Variants in GRM1 observed in about 807,000 individuals in gnomAD.
GRM1 encodes metabotropic glutamate receptor 1.
Under a neutral mutation model 90.9 loss-of-function variants are expected in GRM1, and 33 were observed. That is an observed-to-expected ratio of 0.36 (90% CI 0.28 to 0.49). The LOEUF (loss-of-function observed/expected upper bound fraction) is 0.49. Ranked by LOEUF, GRM1 falls within the 20% of genes least tolerant of loss-of-function variation. GRM1 has a pLI of 0.99. For synonymous variants in GRM1, 700 were observed against 613.2 expected, an observed-to-expected ratio of 1.14 and a Z score of -2.09; for missense variants, 1,190 against 1,534.3, an observed-to-expected ratio of 0.78 and a Z score of 3.75.
intron 1 of GRM1, among the ~76,000 whole-genome samples, chr6:146,090,863 C>G (rs1416189026): frequency 2.0e-5 from 3 of 152,020 alleles, no homozygotes; most frequent in Non-Finnish European, 4.4e-5. Flanking sequence ...TTTCCAATCC[C>G]TGAACCTTTA....
intron 2 of GRM1, among the ~76,000 whole-genome samples, chr6:146,200,434 C>T (rs1445313214): frequency 1.3e-5 from 2 of 152,176 alleles, no homozygotes; most frequent in African/African-American, 4.8e-5. Flanking sequence ...TGTGCTCACA[C>T]CAGGCGTATT....
chr6:146,062,361 G>A (rs1310754878), intron 1 of GRM1, among the ~76,000 whole-genome samples: 2 of 151,968 alleles, frequency 1.3e-5, no homozygotes, highest in East Asian at 3.9e-4. Context: ...GGGGCTAGGG[G>A]AGGGATAGCA....
intron 1 of GRM1, among the ~76,000 whole-genome samples, chr6:146,060,006 T>C (rs993378770): frequency 7.8e-4 from 118 of 152,170 alleles, no homozygotes; most frequent in Non-Finnish European, 4.0e-4. Flanking sequence ...GCTGTTTCAC[T>C]TTCTTATCAT....
chr6:146,419,914 C>T (rs1014080859), intron 7 of GRM1, among the ~76,000 whole-genome samples: 9 of 152,110 alleles, frequency 5.9e-5, no homozygotes, highest in Middle Eastern at 3.2e-3. Flanking sequence ...GAGAGCCAAA[C>T]CATATTCCTG....
At chr6:146,264,106 C>A (rs187993812) in intron 2 of GRM1, among the ~76,000 whole-genome samples, 35 of 152,102 alleles carry the variant, frequency 2.3e-4, no homozygotes, top group African/African-American at 5.3e-4. Flanking sequence ...TAAAAATCAC[C>A]GTCTTGGAAA....
At chr6:146,287,346 T>G (rs2114872829) in intron 2 of GRM1, among the ~76,000 whole-genome samples, 1 of 152,266 alleles carries the variant, frequency 6.6e-6, no homozygotes, top group Non-Finnish European at 1.5e-5. Context: ...TTACTTTCCT[T>G]TTTCGTATTG....
chr6:146,370,243 C>G (rs993238010), intron 5 of GRM1, among the ~76,000 whole-genome samples: 1 of 151,968 alleles, frequency 6.6e-6, no homozygotes, highest in Admixed American at 6.6e-5. Flanking sequence ...TCCCTAGGCC[C>G]TTTTCTTTCT....
At chr6:146,341,053 A>G (rs1197709562) in intron 3 of GRM1, among the ~76,000 whole-genome samples, 5 of 152,202 alleles carry the variant, frequency 3.3e-5, no homozygotes, top group African/African-American at 7.2e-5. Flanking sequence ...GTTCTGCTGT[A>G]CTACCACTGC....
chr6:146,268,724 C>G (rs955862698), intron 2 of GRM1, among the ~76,000 whole-genome samples: 2 of 152,160 alleles, frequency 1.3e-5, no homozygotes, highest in African/African-American at 4.8e-5. Context: ...CCTTGCAGCC[C>G]CTGCAGTACT....
At chr6:146,065,584 G>A (rs1477365824) in intron 1 of GRM1, among the ~76,000 whole-genome samples, 1 of 152,156 alleles carries the variant, frequency 6.6e-6, no homozygotes, top group Non-Finnish European at 1.5e-5. Context: ...TGCAAGTGAG[G>A]TACCCTATAT....
At chr6:146,433,149 C>T (rs538238697) in intron 7 of GRM1, among the ~76,000 whole-genome samples, 11 of 152,284 alleles carry the variant, frequency 7.2e-5, no homozygotes, top group African/African-American at 2.6e-4. Flanking sequence ...AAATCCCAAA[C>T]CAGCTTCTGT....
chr6:146,163,044 T>G (rs1777793466), intron 2 of GRM1, among the ~76,000 whole-genome samples: 1 of 152,174 alleles, frequency 6.6e-6, no homozygotes, highest in Admixed American at 6.5e-5. Flanking sequence ...ATTTATAGAC[T>G]TATCTAATAT....
chr6:146,216,398 C>T (rs1234506770), intron 2 of GRM1, among the ~76,000 whole-genome samples: 1 of 152,088 alleles, frequency 6.6e-6, no homozygotes, highest in Non-Finnish European at 1.5e-5. Context: ...GTAAAAAAAA[C>T]ATAGTAGACT....
chr6:146,403,482 G>T (rs1306587946), intron 7 of GRM1, among the ~76,000 whole-genome samples: 1 of 152,008 alleles, frequency 6.6e-6, no homozygotes, highest in Non-Finnish European at 1.5e-5. Context: ...CTAAGTAAAT[G>T]GATATTATTA....
chr6:146,219,915 G>A (rs192824373), intron 2 of GRM1, among the ~76,000 whole-genome samples: 1 of 152,010 alleles, frequency 6.6e-6, no homozygotes. Context: ...TTTTGTGTGT[G>A]TGTGTGTGTG....
chr6:146,165,496 C>T (rs779871026), intron 2 of GRM1, among the ~76,000 whole-genome samples: 11 of 152,074 alleles, frequency 7.2e-5, no homozygotes, highest in Admixed American at 2.0e-4. Flanking sequence ...TGAAGTGTGA[C>T]ATCTCCAAAA....
At chr6:146,371,844 C>T (rs1775913448) in intron 5 of GRM1, among the ~76,000 whole-genome samples, 1 of 151,950 alleles carries the variant, frequency 6.6e-6, no homozygotes, top group Non-Finnish European at 1.5e-5. Flanking sequence ...TATGCATTAC[C>T]TTTTCTTTAA....
At chr6:146,096,201 A>G (rs1019212185) in intron 1 of GRM1, among the ~76,000 whole-genome samples, 2 of 152,178 alleles carry the variant, frequency 1.3e-5, no homozygotes, top group African/African-American at 4.8e-5. Context: ...ATAAACAAAA[A>G]CCTGCACACA....
intron 1 of GRM1, among the ~76,000 whole-genome samples, chr6:146,150,326 A>T (rs1294885074): frequency 6.6e-6 from 1 of 152,208 alleles, no homozygotes; most frequent in African/African-American, 2.4e-5. Context: ...GATGTTGAGT[A>T]TTACAATAGT....
Sources: gnomAD v4.1 joint callset for allele counts (sites outside exome capture counted in the v4.1 genomes callset) on GRCh38, gnomAD v4.1.1 for gene constraint, MANE v1.5 for transcripts, NCBI Gene and HGNC (gene_info 2026-07-23, HGNC 2026-07-21) for gene names.